JPH2: variants seen among roughly 807,000 people sequenced by gnomAD.
JPH2 encodes the protein junctophilin-2.
A neutral mutation model predicts 55.9 loss-of-function variants in JPH2; 38 were observed. That is an observed-to-expected ratio of 0.68 (90% CI 0.52 to 0.89). The LOEUF is 0.89. JPH2 is among the 40% of genes least tolerant of loss of function. The probability of loss-of-function intolerance (pLI) is 0.00; values close to 1 mark genes in which losing one functional copy is unlikely to be tolerated. For missense variants in JPH2, 964 were observed against 1,037.6 expected (o/e 0.93, Z 0.97); for synonymous variants, 480 against 472.4 (o/e 1.02, Z -0.21).
At chr20:44,164,799 T>C (rs1334486089) in intron 1 of JPH2, among the ~76,000 whole-genome samples, 1 of 150,704 alleles carries the variant, frequency 6.6e-6, no homozygotes, top group African/African-American at 2.4e-5. Context: ...ACAGGGAAAC[T>C]TCCTGAGTTG....
Position 44,186,908 on chromosome 20 carries a change from C to T in JPH2, c.-203G>A, listed in dbSNP as rs2072852366. ...ACCGGGTCGGCTAGTCAGTGCCATG[C>T]CCGGGAGCCCCGACTCCACCAGCCA... On this transcript the variant is annotated 5_prime_UTR_variant, in exon 1 of 6. Transcript: ENST00000372980. 1.7e-6 allele frequency: 1 copy of T among 604,254 alleles called. No individual in the cohort carries two copies. The highest frequency in any genetic ancestry group is 2.8e-5 in the East Asian group (1 of 36,300). 37.4% of individuals were successfully genotyped at this position (604,254 alleles called of 1,614,324 possible). A position where few individuals can be genotyped will look rare whatever the true frequency, so the allele number is the denominator to read the frequency against.
In JPH2 at chr20:44,118,511, G is replaced by A. The variant is rs199896820; in HGVS notation, c.1282C>T (p.Gln428Ter). The stretch of plus-strand genomic sequence containing the variant: ...CTTCCCTGGCTGGCCCTACCTGGCT[G>A]GTAGAAGTCCGGAGCCAGCTCCCTG... ...LARELAPDFY[Q>*]PGPEYQKRRL... The change falls in exon 3 of 6, where the codon CAG becomes TAG. Residue 428 changes from glutamine to a stop codon, truncating the protein, a stop_gained. Transcript: ENST00000372980. LOFTEE classifies it high-confidence loss of function. The A allele has an allele frequency of 2.2e-5, 36 of 1,612,104 alleles. No homozygotes were observed. Among genetic ancestry groups the A allele is most frequent in the Non-Finnish European group, 8.5e-7 (1 of 1,179,398 alleles).
chr20:44,181,835 G>C (rs2072786126), intron 1 of JPH2, among the ~76,000 whole-genome samples: 1 of 152,106 alleles, frequency 6.6e-6, no homozygotes, highest in African/African-American at 2.4e-5. Flanking sequence ...TTACTCCCCT[G>C]TCTGTCCCTG....
chr20:44,176,810 A>G (rs1020830668), intron 1 of JPH2: 54 of 952,376 alleles, frequency 5.7e-5, no homozygotes, highest in Non-Finnish European at 6.5e-5. Context: ...GAAAAAGAAA[A>G]AAAAGGTATC....
At chr20:44,126,375 C>A (rs910645285) in intron 2 of JPH2, among the ~76,000 whole-genome samples, 4 of 152,156 alleles carry the variant, frequency 2.6e-5, no homozygotes, top group African/African-American at 9.7e-5. Context: ...GGGTCCCTGG[C>A]TCAGGCCACT....
chr20:44,143,018 C>T (rs1447726995), intron 2 of JPH2, among the ~76,000 whole-genome samples: 1 of 152,070 alleles, frequency 6.6e-6, no homozygotes, highest in Non-Finnish European at 1.5e-5. Context: ...CTCAGAGCTC[C>T]TCTGAGGAAG....
chr20:44,176,758 C>T, intron 1 of JPH2: 4 of 579,478 alleles, frequency 6.9e-6, no homozygotes, highest in Non-Finnish European at 8.7e-6. Flanking sequence ...TGTACCATTG[C>T]ACTCCAGCCT....
At chr20:44,122,368 AG>A (rs146116922) in intron 2 of JPH2, among the ~76,000 whole-genome samples, 3,748 of 152,358 alleles carry the variant, frequency 0.025, 46 homozygotes, top group Non-Finnish European at 0.035. Context: ...GAGATGACCG[AG>A]GCACTCGCCT....
chr20:44,132,488 A>G (rs979014516), intron 2 of JPH2, among the ~76,000 whole-genome samples: 3 of 148,706 alleles, frequency 2.0e-5, no homozygotes, highest in South Asian at 2.1e-4. Flanking sequence ...CAGGGAGATC[A>G]TCTCTACAGC....
At chr20:44,114,107 C>A (rs2072167440) in intron 5 of JPH2, among the ~76,000 whole-genome samples, 1 of 152,186 alleles carries the variant, frequency 6.6e-6, no homozygotes, top group Non-Finnish European at 1.5e-5. Context: ...CTTGTAGATG[C>A]TTCACCTTGA....
intron 1 of JPH2, among the ~76,000 whole-genome samples, chr20:44,171,409 G>T (rs1232858102): frequency 1.3e-5 from 2 of 152,278 alleles, no homozygotes; most frequent in Non-Finnish European, 1.5e-5. Context: ...TCTGTCAGCT[G>T]CTAACACTCC....
At chr20:44,125,704 T>C (rs1291497285) in intron 2 of JPH2, among the ~76,000 whole-genome samples, 1 of 152,084 alleles carries the variant, frequency 6.6e-6, no homozygotes, top group Non-Finnish European at 1.5e-5. Context: ...ATAAACCACA[T>C]GGTGGAGTGG....
Position 44,115,817 on chromosome 20 carries a change from C to T in JPH2, c.1858G>A (p.Ala620Thr), listed in dbSNP as rs769284597. The change falls in exon 4 of 6, where the codon GCC becomes ACC. Residue 620 changes from alanine to threonine, a missense_variant. Coordinates refer to ENST00000372980, the MANE Select transcript of JPH2 (RefSeq NM_020433.5). ...RGPEPARETP[A>T]KLEPKPIIPK... Reference sequence around the variant, plus strand: ...ATGATGGGCTTGGGCTCCAGCTTGGCGGGGGTCTCGCGTGCAGGCTCGGGG... The same window carrying T: ...ATGATGGGCTTGGGCTCCAGCTTGGTGGGGGTCTCGCGTGCAGGCTCGGGG... 4.4e-6 allele frequency: 7 copies of T among 1,602,952 alleles called. No homozygotes were observed. The African/African-American group carries it at 5.3e-5, about 12-fold the overall frequency.
intron 2 of JPH2, among the ~76,000 whole-genome samples, chr20:44,137,304 A>C (rs762102246): frequency 1.7e-4 from 26 of 150,546 alleles, no homozygotes; most frequent in Non-Finnish European, 3.1e-4. Flanking sequence ...CAGTCAGCAG[A>C]CATCTCCTGC....
rs1360493738 is a variant in JPH2 at position 44,109,247 on chromosome 20, C to T, written c.*4271G>A. Among the ~76,000 whole-genome samples the T allele has an allele frequency of 6.6e-6, 1 of 152,154 alleles. No homozygotes were observed. Among genetic ancestry groups the T allele is most frequent in the Admixed American group, 6.5e-5 (1 of 15,278 alleles). On this transcript the variant is annotated 3_prime_UTR_variant, in exon 6 of 6. Coordinates refer to ENST00000372980, the MANE Select transcript of JPH2 (RefSeq NM_020433.5). ...CCCAAGGCTCAATTTTCCTCATCTG[C>T]AAAATGGGTGGACGAATACCTACAC...
In JPH2 at chr20:44,134,190, T is replaced by TTATTATAAATATATATAAA. The variant is rs2072360579; in HGVS notation, c.1170-15568_1170-15567insTTTATATATATTTATAATA. On this transcript the variant is annotated intron_variant, in intron 2 of 5. Transcript: ENST00000372980. ...ATATTTATTATAAATATATAAATAT[T>TTATTATAAATATATATAAA]TATTATAAATATATAAATATATATT... Among the ~76,000 whole-genome samples the TTATTATAAATATATATAAA allele has an allele frequency of 4.6e-4, 6 of 12,958 alleles. 1 individual carries two copies. The highest frequency in any genetic ancestry group is 1.9e-3 in the African/African-American group (6 of 3,178). The allele number at this position is 12,958 out of a possible 152,430, so 8.5% of individuals were successfully genotyped here.
At chr20:44,125,562 C>T (rs2072269666) in intron 2 of JPH2, among the ~76,000 whole-genome samples, 1 of 152,198 alleles carries the variant, frequency 6.6e-6, no homozygotes, top group South Asian at 2.1e-4. Context: ...CCGTCATGTG[C>T]TGGGGCCAAG....
At position 44,107,231 on chromosome 20, in the gene JPH2, C is replaced by T. The variant is rs569409218; in HGVS notation, c.*6287G>A. Among the ~76,000 whole-genome samples the T allele has an allele frequency of 3.3e-5, 5 of 152,336 alleles. No individual in the cohort carries two copies. Among genetic ancestry groups the T allele is most frequent in the African/African-American group, 1.2e-4 (5 of 41,582 alleles). On this transcript the variant is annotated 3_prime_UTR_variant, in exon 6 of 6. Transcript: ENST00000372980. ...TCCCCACTCCCCAACCATACTGCCT[C>T]TTATGGCCACCATATCCATTTCCTC... is the stretch of plus-strand genomic sequence containing the variant.
chr20:44,124,186 G>T (rs1356309749), intron 2 of JPH2, among the ~76,000 whole-genome samples: 1 of 152,060 alleles, frequency 6.6e-6, no homozygotes, highest in Non-Finnish European at 1.5e-5. Flanking sequence ...ACTTCTAAAA[G>T]CACCTGCCCC....
Sources: gnomAD v4.1 joint callset for allele counts (sites outside exome capture counted in the v4.1 genomes callset) on GRCh38, gnomAD v4.1.1 for gene constraint, MANE v1.5 for transcripts, NCBI Gene and HGNC (gene_info 2026-07-23, HGNC 2026-07-21) for gene names.